PHF24: variants seen among roughly 807,000 people sequenced by gnomAD.
The protein encoded by PHF24 is Galpha inhibitory interacting protein.
PHF24 carries 25 observed loss-of-function variants against 42.6 expected under a neutral mutation model. The ratio of observed to expected loss-of-function variants is 0.59; its 90% CI spans 0.43 to 0.82. PHF24 has a LOEUF of 0.82. PHF24 is among the 40% of genes least tolerant of loss of function. PHF24 has a pLI of 0.00. For synonymous variants in PHF24, 185 were observed against 204.8 expected, an observed-to-expected ratio of 0.90 and a Z score of 0.83; for missense variants, 470 against 538.1, an observed-to-expected ratio of 0.87 and a Z score of 1.25.
the PHF24 span, among the ~76,000 whole-genome samples, chr9:34,815,448 G>A: frequency 6.6e-6 from 1 of 152,056 alleles, no homozygotes; most frequent in Admixed American, 6.5e-5. Flanking sequence ...TCAGCCTCCC[G>A]AGTAGCTGGG....
At chr9:34,973,838 G>A (rs924618524) in intron 3 of PHF24, among the ~76,000 whole-genome samples, 1 of 152,046 alleles carries the variant, frequency 6.6e-6, no homozygotes, top group African/African-American at 2.4e-5. Flanking sequence ...CTATAGGACT[G>A]GGGTGAAGGG....
At chr9:34,911,543 C>T in the PHF24 span, among the ~76,000 whole-genome samples, 25 of 152,306 alleles carry the variant, frequency 1.6e-4, no homozygotes, top group African/African-American at 4.8e-4. Flanking sequence ...TGAGCCACCG[C>T]GCCCGGCCTA....
At chr9:34,972,584 C>T (rs4879845) in intron 3 of PHF24, 53 bp downstream of exon 3, 90,605 of 1,510,188 alleles carry the variant, frequency 0.06, 4,132 homozygotes, top group Admixed American at 0.24. Flanking sequence ...CCTGGAGGCC[C>T]GGTCTTAGAA....
chr9:34,839,561 G>C, the PHF24 span, among the ~76,000 whole-genome samples: 1 of 152,240 alleles, frequency 6.6e-6, no homozygotes, highest in East Asian at 1.9e-4. Context: ...TGTTGCCCTG[G>C]TGAGAATGGT....
At chr9:34,748,091 C>T in the PHF24 span, among the ~76,000 whole-genome samples, 3 of 151,886 alleles carry the variant, frequency 2.0e-5, no homozygotes, top group African/African-American at 7.3e-5. Flanking sequence ...TAGAAATTAC[C>T]TTTGGGGAGA....
At chr9:34,720,224 C>G in the PHF24 span, among the ~76,000 whole-genome samples, 1 of 152,086 alleles carries the variant, frequency 6.6e-6, no homozygotes, top group East Asian at 1.9e-4. Context: ...GCGGGTGGAT[C>G]ATGAGGTCAG....
the PHF24 span, among the ~76,000 whole-genome samples, chr9:34,776,815 CACA>C: frequency 9.5e-6 from 1 of 105,166 alleles, no homozygotes; most frequent in Non-Finnish European, 2.3e-5. Flanking sequence ...ATTGGGACAA[CACA>C]ATTGGGACAA....
the PHF24 span, among the ~76,000 whole-genome samples, chr9:34,746,103 T>C: frequency 6.6e-6 from 1 of 152,072 alleles, no homozygotes; most frequent in East Asian, 1.9e-4. Flanking sequence ...GAAAGATTTA[T>C]AGGTTAAAGG....
At chr9:34,963,128 A>G (rs1826648953) in intron 1 of PHF24, among the ~76,000 whole-genome samples, 2 of 152,322 alleles carry the variant, frequency 1.3e-5, no homozygotes, top group Non-Finnish European at 2.9e-5. Flanking sequence ...ATGTCTGAGT[A>G]GGAACAGGCT....
chr9:34,760,697 G>A, the PHF24 span, among the ~76,000 whole-genome samples: 1 of 152,206 alleles, frequency 6.6e-6, no homozygotes, highest in Non-Finnish European at 1.5e-5. Flanking sequence ...TCTCGGCCCC[G>A]CCAGGGGTCC....
exon 8 of PHF24, chr9:34,981,323 AAC>A (rs1292202854): frequency 1.3e-5 from 2 of 152,232 alleles, no homozygotes; most frequent in Admixed American, 6.5e-5. Context: ...CATTATGAAA[AAC>A]ACAGCATTAA....
chr9:34,724,882 C>T, the PHF24 span: 26 of 1,549,354 alleles, frequency 1.7e-5, no homozygotes, highest in Middle Eastern at 1.7e-4. Context: ...CAGGCAGCCC[C>T]GACAGGAAGG....
Position 34,968,879 on chromosome 9 carries a change from A to G in PHF24, c.-4-2416A>G, listed in dbSNP as rs141307412. 2.6e-5 allele frequency among the ~76,000 whole-genome samples: 4 copies of G among 152,364 alleles called. No homozygotes were observed. In the East Asian group the frequency reaches 7.7e-4, roughly 29 times the overall value. On this transcript the variant is annotated intron_variant, in intron 1 of 7. Coordinates refer to ENST00000242315, the Ensembl canonical transcript of PHF24. The stretch of plus-strand genomic sequence containing the variant: ...ACTGACATTGATCAGTAATCATCCT[A>G]TTGAATATGTAATGATGAAGGTAAG...
At chr9:34,727,558 G>GTA in the PHF24 span, among the ~76,000 whole-genome samples, 1 of 152,188 alleles carries the variant, frequency 6.6e-6, no homozygotes, top group East Asian at 1.9e-4. Context: ...AGTGTCCCAA[G>GTA]TACTGGCCTC....
At chr9:34,917,406 T>C in the PHF24 span, 21 of 769,236 alleles carry the variant, frequency 2.7e-5, no homozygotes, top group African/African-American at 3.6e-4. Flanking sequence ...AACAGTGACA[T>C]GTATCTCGTT....
the PHF24 span, among the ~76,000 whole-genome samples, chr9:34,890,289 C>T: frequency 5.9e-5 from 9 of 152,186 alleles, no homozygotes; most frequent in African/African-American, 2.2e-4. Flanking sequence ...TCTGTGATTT[C>T]CAGCTGCTTT....
chr9:34,775,960 G>A, the PHF24 span, among the ~76,000 whole-genome samples: 2 of 152,170 alleles, frequency 1.3e-5, no homozygotes, highest in East Asian at 1.9e-4. Context: ...GATGAACCTT[G>A]AAAAGATGCA....
chr9:34,799,447 G>A, the PHF24 span, among the ~76,000 whole-genome samples: 1 of 152,158 alleles, frequency 6.6e-6, no homozygotes. Flanking sequence ...AGAAGTTCAT[G>A]TATTTGTTAT....
the PHF24 span, chr9:34,837,723 T>C: frequency 4.1e-6 from 6 of 1,462,704 alleles, no homozygotes; most frequent in South Asian, 7.3e-5. Context: ...AACATTAGAA[T>C]GTGAAGCTGG....
Sources: allele counts gnomAD v4.1 joint callset (sites outside exome capture counted in the v4.1 genomes callset), GRCh38; gene constraint gnomAD v4.1.1; transcripts MANE v1.5; gene names NCBI Gene and HGNC (gene_info 2026-07-23, HGNC 2026-07-21).